SOS2: variants seen among roughly 807,000 people sequenced by gnomAD.
SOS2 encodes son of sevenless homolog 2.
In SOS2, 65 loss-of-function variants were observed where a neutral mutation model predicts 148.2. The ratio of observed to expected loss-of-function variants is 0.44; its 90% CI spans 0.36 to 0.54. SOS2 has a LOEUF of 0.54. Among genes scored for constraint, SOS2 ranks in the 20% least tolerant of loss-of-function variants. The pLI, the probability that SOS2 is intolerant of heterozygous loss-of-function variation, is 0.00. For synonymous variants in SOS2, 539 were observed against 537.1 expected, an observed-to-expected ratio of 1.00 and a Z score of -0.05; for missense variants, 1,341 against 1,590.2, an observed-to-expected ratio of 0.84 and a Z score of 2.67.
At chr14:50,168,894 G>A (rs368194649) in intron 8 of SOS2, among the ~76,000 whole-genome samples, 1 of 152,074 alleles carries the variant, frequency 6.6e-6, no homozygotes, top group East Asian at 1.9e-4. Flanking sequence ...TTTATTCTTG[G>A]ATTTAGTGTT....
At chr14:50,120,980 C>T (rs1353205135) in intron 21 of SOS2, among the ~76,000 whole-genome samples, 10 of 151,964 alleles carry the variant, frequency 6.6e-5, no homozygotes, top group South Asian at 4.1e-4. Flanking sequence ...CCTTGTGATC[C>T]GCCCACCTCG....
intron 12 of SOS2, chr14:50,156,677 CAT>C (rs1317010467): frequency 6.5e-6 from 1 of 154,248 alleles, no homozygotes; most frequent in African/African-American, 2.4e-5. Flanking sequence ...GGAAAGCTCA[CAT>C]GAAATTTTAT....
chr14:50,175,245 C>T (rs1885485885), intron 7 of SOS2, among the ~76,000 whole-genome samples: 2 of 152,066 alleles, frequency 1.3e-5, no homozygotes. Context: ...GAAGTACTTA[C>T]AATAAGGTTA....
At position 50,139,399 on chromosome 14, in the gene SOS2, GT is replaced by G. The variant is rs143465355; in HGVS notation, c.2785+542del. On this transcript the variant is annotated intron_variant, in intron 17 of 22. Coordinates refer to ENST00000216373, the MANE Select transcript of SOS2 (RefSeq NM_006939.4). Reference sequence around the variant, plus strand: ...TTAGGAATGTCTAGAGACATTTTTGGTTACCACAACTCCAGGGTGCTATTGG... The same window carrying G: ...TTAGGAATGTCTAGAGACATTTTTGGTACCACAACTCCAGGGTGCTATTGG... Among the ~76,000 whole-genome samples the G allele has an allele frequency of 5.0e-3, 759 of 152,246 alleles. 5 individuals carry two copies. The highest frequency in any genetic ancestry group is 0.016 in the African/African-American group (682 of 41,558).
At chr14:50,179,849 A>G (rs1885674412) in intron 7 of SOS2, among the ~76,000 whole-genome samples, 1 of 152,090 alleles carries the variant, frequency 6.6e-6, no homozygotes, top group African/African-American at 2.4e-5. Context: ...TCAATACAGT[A>G]TTTATCTCCT....
At chr14:50,160,379 C>CTTTTTTTTT (rs200021758) in intron 9 of SOS2, among the ~76,000 whole-genome samples, 6 of 78,930 alleles carry the variant, frequency 7.6e-5, no homozygotes, top group African/African-American at 9.9e-5. Context: ...CAATGCTAAT[C>CTTTTTTTTT]TTTTTTTTTT....
intron 8 of SOS2, among the ~76,000 whole-genome samples, chr14:50,172,419 C>CTTTTTTTTTTTT (rs768766517): frequency 0.14 from 11,187 of 81,316 alleles, 2,633 homozygotes; most frequent in East Asian, 0.32. Context: ...TTATTCATTC[C>CTTTTTTTTTTTT]TTTTTTTTTT....
intron 7 of SOS2, among the ~76,000 whole-genome samples, chr14:50,175,036 T>A (rs1885478202): frequency 6.9e-6 from 1 of 144,976 alleles, no homozygotes; most frequent in African/African-American, 2.6e-5. Context: ...ACAAAGTCGA[T>A]CTTCACTGTC....
rs2139893590 is a variant in SOS2, at chr14:50,231,432, C to T, written c.-149G>A. ...GGCCGAGGCGGCTCGGAGGCGGCGCCGGCGGGCTGGCGGAGACCCCGGGGT... is the reference window on the plus strand; with the variant it reads ...GGCCGAGGCGGCTCGGAGGCGGCGCTGGCGGGCTGGCGGAGACCCCGGGGT... On this transcript the variant is annotated 5_prime_UTR_variant, in exon 1 of 23. Coordinates refer to ENST00000216373, the MANE Select transcript of SOS2 (RefSeq NM_006939.4). 1 of 159,816 alleles carries T rather than the reference C, an allele frequency of 6.3e-6. No individual in the cohort carries two copies. The highest frequency in any genetic ancestry group is 2.0e-4 in the South Asian group (1 of 5,076). 9.9% of individuals were successfully genotyped at this position (159,816 alleles called of 1,614,324 possible). A position where few individuals can be genotyped will look rare whatever the true frequency, so the allele number is the denominator to read the frequency against.
At chr14:50,166,454 C>T (rs140939494) in intron 8 of SOS2, among the ~76,000 whole-genome samples, 2 of 152,166 alleles carry the variant, frequency 1.3e-5, no homozygotes, top group Non-Finnish European at 2.9e-5. Flanking sequence ...GTCTCAAATT[C>T]CTGAGCTCCA....
chr14:50,176,320 A>G (rs1885521814), intron 7 of SOS2, among the ~76,000 whole-genome samples: 1 of 152,232 alleles, frequency 6.6e-6, no homozygotes. Flanking sequence ...AGTTTATGAT[A>G]TTTTATTAGA....
At chr14:50,151,092 C>T (rs767042601) in intron 13 of SOS2, among the ~76,000 whole-genome samples, 1 of 152,116 alleles carries the variant, frequency 6.6e-6, no homozygotes, top group African/African-American at 2.4e-5. Context: ...CTCCTGGGCT[C>T]AAGTGATCTG....
chr14:50,185,440 C>G (rs1885876873), intron 5 of SOS2, among the ~76,000 whole-genome samples: 1 of 151,894 alleles, frequency 6.6e-6, no homozygotes, highest in South Asian at 2.1e-4. Context: ...GCCTATAATC[C>G]CAGAACTTTG....
intron 4 of SOS2, among the ~76,000 whole-genome samples, chr14:50,195,216 G>A (rs1031638631): frequency 6.6e-6 from 1 of 152,068 alleles, no homozygotes; most frequent in South Asian, 2.1e-4. Flanking sequence ...AGAGTAACGT[G>A]GTGCCAAAAT....
intron 2 of SOS2, among the ~76,000 whole-genome samples, chr14:50,202,272 T>C (rs1410869914): frequency 6.6e-6 from 1 of 152,248 alleles, no homozygotes; most frequent in African/African-American, 2.4e-5. Flanking sequence ...GCAGTTCATC[T>C]AATTTTAATT....
intron 4 of SOS2, among the ~76,000 whole-genome samples, chr14:50,194,384 A>G (rs73289641): frequency 0.19 from 29,432 of 151,656 alleles, 3,071 homozygotes; most frequent in East Asian, 0.47. Flanking sequence ...AAAAGTGGTA[A>G]CTTTTAACCT....
chr14:50,197,691 T>C (rs1461816595), intron 4 of SOS2, among the ~76,000 whole-genome samples: 2 of 25,560 alleles, frequency 7.8e-5, no homozygotes, highest in African/African-American at 3.1e-4. Flanking sequence ...TTTACCACCT[T>C]TTTTTTTTTT....
chr14:50,131,030 T>G (rs1883850013), intron 19 of SOS2, among the ~76,000 whole-genome samples: 1 of 152,226 alleles, frequency 6.6e-6, no homozygotes, highest in African/African-American at 2.4e-5. Context: ...AAATCACATT[T>G]TACTCCTAAA....
intron 5 of SOS2, among the ~76,000 whole-genome samples, chr14:50,182,978 A>T (rs1054931782): frequency 6.6e-6 from 1 of 152,252 alleles, no homozygotes; most frequent in Non-Finnish European, 1.5e-5. Flanking sequence ...TGGGAGCATG[A>T]TTAAAGCTAT....
Sources: gnomAD v4.1 joint callset for allele counts (sites outside exome capture counted in the v4.1 genomes callset) on GRCh38, gnomAD v4.1.1 for gene constraint, MANE v1.5 for transcripts, NCBI Gene and HGNC (gene_info 2026-07-23, HGNC 2026-07-21) for gene names.